The following SYNJ2 variants were observed in gnomAD, a reference collection of about 807,000 sequenced individuals.
SYNJ2 encodes synaptojanin 2.
SYNJ2 carries 116 observed loss-of-function variants against 141.3 expected under a neutral mutation model. The observed-to-expected ratio is 0.82, with a 90% CI of 0.71 to 0.96. The LOEUF is 0.96. SYNJ2 is among the 40% of genes least tolerant of loss of function. SYNJ2 has a pLI of 0.00. For missense variants in SYNJ2, 1,873 were observed against 1,934.8 expected (o/e 0.97, Z 0.60); for synonymous variants, 745 against 777.7 (o/e 0.96, Z 0.70).
intron 1 of SYNJ2, among the ~76,000 whole-genome samples, chr6:157,983,970 G>A (rs1044578629): frequency 1.3e-5 from 2 of 152,034 alleles, no homozygotes; most frequent in Non-Finnish European, 2.9e-5. Context: ...TGGGACTATA[G>A]GCACATGCCA....
At chr6:158,029,444 A>T (rs1000461797) in intron 3 of SYNJ2, 2 of 159,288 alleles carry the variant, frequency 1.3e-5, no homozygotes, top group African/African-American at 4.8e-5. Context: ...AGGTGCCTGT[A>T]ATCCCAGCTA....
chr6:158,084,280 G>A lies in SYNJ2; in HGVS notation c.3208+106G>A. On this transcript the variant is annotated intron_variant, in intron 22 of 26. Transcript: ENST00000355585. The surrounding 1 kb of genome is among the most constrained non-coding windows in gnomAD (Gnocchi z 5.0). ...GGCACTGTGTGATATCAAGTATGCAGGTCCCAGGAGAGACCTCAACCAGGC... is the reference window on the plus strand; with the variant it reads ...GGCACTGTGTGATATCAAGTATGCAAGTCCCAGGAGAGACCTCAACCAGGC... The A allele has an allele frequency of 1.5e-6, 2 of 1,315,506 alleles. No homozygotes were observed. The highest frequency in any genetic ancestry group is 2.1e-6 in the Non-Finnish European group (2 of 962,886). 81.5% of individuals were successfully genotyped at this position (1,315,506 alleles called of 1,614,324 possible).
Position 158,027,063 on chromosome 6 carries a change from C to T in SYNJ2, c.215-1693C>T, listed in dbSNP as rs151008818. The T allele has an allele frequency of 1.8e-5, 18 of 985,394 alleles. No homozygotes were observed. Among genetic ancestry groups the T allele is most frequent in the Middle Eastern group, 5.2e-4 (1 of 1,914 alleles). 61.0% of individuals were successfully genotyped at this position (985,394 alleles called of 1,614,324 possible). ...CTGGCAGCCCCACCCCATGGCATAG[C>T]AGCAGGCCCCTGGGAGCCCTGAGCG... is the stretch of plus-strand genomic sequence containing the variant. On this transcript the variant is annotated intron_variant, in intron 2 of 26. Transcript: ENST00000355585. The surrounding 1 kb of genome is among the most constrained non-coding windows in gnomAD (Gnocchi z 4.6).
At chr6:157,993,659 T>C (rs1212734507) in intron 1 of SYNJ2, among the ~76,000 whole-genome samples, 1 of 150,794 alleles carries the variant, frequency 6.6e-6, no homozygotes, top group South Asian at 2.1e-4. Context: ...AGTAGCTTCA[T>C]AGTTTGAGGG....
intron 7 of SYNJ2, among the ~76,000 whole-genome samples, chr6:158,059,992 C>T (rs1781112349): frequency 6.6e-6 from 1 of 152,238 alleles, no homozygotes; most frequent in Non-Finnish European, 1.5e-5. Flanking sequence ...CTCAAGGTAC[C>T]CCTCTCAGTC....
intron 18 of SYNJ2, among the ~76,000 whole-genome samples, chr6:158,079,827 C>A (rs1048013824): frequency 1.3e-5 from 2 of 152,150 alleles, no homozygotes; most frequent in African/African-American, 4.8e-5. Flanking sequence ...ACATGCCAGG[C>A]CCTGTTGCTG....
Position 158,028,549 on chromosome 6 carries a change from G to T in SYNJ2, c.215-207G>T, listed in dbSNP as rs922048609. 5 of 632,846 alleles carry T rather than the reference G, an allele frequency of 7.9e-6. No homozygotes were observed. In the Admixed American group the frequency reaches 1.2e-4, roughly 15 times the overall value. The allele number at this position is 632,846 out of a possible 1,614,324, so 39.2% of individuals were successfully genotyped here. A position where few individuals can be genotyped will look rare whatever the true frequency, so the allele number is the denominator to read the frequency against. On this transcript the variant is annotated intron_variant, in intron 2 of 26. Transcript: ENST00000355585. ...AGGGGATGCTGACTTGCTGGCCAGGGTCCCACACTTTGAGAAGCCCCGCCT... is the reference window on the plus strand; with the variant it reads ...AGGGGATGCTGACTTGCTGGCCAGGTTCCCACACTTTGAGAAGCCCCGCCT...
chr6:158,083,915 G>A (rs1055675188), intron 21 of SYNJ2, 86 bp from the exon 22 acceptor site: 76 of 1,483,842 alleles, frequency 5.1e-5, no homozygotes, highest in Non-Finnish European at 6.0e-5. Context: ...TGTCCTGACA[G>A]GAGCTGAACC....
intron 1 of SYNJ2, among the ~76,000 whole-genome samples, chr6:158,009,978 A>G (rs1328939215): frequency 6.6e-6 from 1 of 152,238 alleles, no homozygotes; most frequent in Non-Finnish European, 1.5e-5. Flanking sequence ...GGGTAGTGGT[A>G]CAATCACAGC....
intron 6 of SYNJ2, among the ~76,000 whole-genome samples, chr6:158,055,565 CA>C (rs1237176665): frequency 6.6e-6 from 1 of 151,442 alleles, no homozygotes; most frequent in East Asian, 1.9e-4. Context: ...GATCATAACA[CA>C]TTTACTGTTT....
rs548155549 is a variant in SYNJ2 at position 158,032,819 on chromosome 6, A to G, written c.486-636A>G. On this transcript the variant is annotated intron_variant, in intron 3 of 26. Coordinates refer to ENST00000355585, the MANE Select transcript of SYNJ2 (RefSeq NM_003898.4). ...TGGCTGTCACCCTGTCGTTATCATC[A>G]TGGACTCTAGAGCCTACAGCAATCC... is the stretch of plus-strand genomic sequence containing the variant. Among the ~76,000 whole-genome samples, 9 of 152,334 alleles carry G rather than the reference A, an allele frequency of 5.9e-5. No homozygotes were observed. The East Asian group carries it at 1.5e-3, about 26-fold the overall frequency.
Position 158,069,422 on chromosome 6 carries a change from C to T in SYNJ2, c.1800-111C>T, listed in dbSNP as rs909811866. ...GACACTAATATTGGGGTGCGGGCAG[C>T]GTGAAATCAGTTCTGCAAACAGAAT... On this transcript the variant is annotated intron_variant, in intron 13 of 26. Coordinates refer to ENST00000355585, the MANE Select transcript of SYNJ2 (RefSeq NM_003898.4). The T allele has an allele frequency of 9.7e-6, 13 of 1,334,352 alleles. No homozygotes were observed. In the Admixed American group the frequency reaches 1.3e-4, roughly 14 times the overall value. 82.7% of individuals were successfully genotyped at this position (1,334,352 alleles called of 1,614,324 possible).
Position 158,088,671 on chromosome 6 carries a change from G to A in SYNJ2, c.3355G>A (p.Val1119Met), listed in dbSNP as rs138506800. 9.3e-6 allele frequency: 15 copies of A among 1,613,928 alleles called. No homozygotes were observed. The African/African-American group carries it at 1.6e-4, about 17-fold the overall frequency. The change falls in exon 24 of 27, where the codon GTG (valine) becomes ATG (methionine). Residue 1119 changes from valine (V) to methionine (M), a missense_variant. By Grantham distance (21) the Val-to-Met change is conservative. Coordinates refer to ENST00000355585, the MANE Select transcript of SYNJ2 (RefSeq NM_003898.4). The part of the protein sequence containing the change: ...QRPPPPTGLM[V>M]KKSASDASIS... ...GTTGGTTTTTACAGCCGGTTTAATG[G>A]TGAAAAAGTCGGCTTCAGATGCGTC... is the stretch of plus-strand genomic sequence containing the variant.
At position 158,043,140 on chromosome 6, in the gene SYNJ2, A is replaced by G. The variant is rs1977356; in HGVS notation, c.712-176A>G. 0.38 allele frequency among the ~76,000 whole-genome samples: 57,810 copies of G among 151,970 alleles called. 11,231 individuals carry two copies. Among genetic ancestry groups the G allele is most frequent in the Middle Eastern group, 0.51 (148 of 292 alleles). On this transcript the variant is annotated intron_variant, in intron 4 of 26. Coordinates refer to ENST00000355585, the MANE Select transcript of SYNJ2 (RefSeq NM_003898.4). This position sits in a 1 kb window ranked among gnomAD's most constrained non-coding sequence, Gnocchi z 4.0. Reference sequence around the variant, plus strand: ...TCGACAGCCAGCATGCCCGCCCAGTACCTGGCGAGAGGTCAGGGCGCATTG... The same window carrying G: ...TCGACAGCCAGCATGCCCGCCCAGTGCCTGGCGAGAGGTCAGGGCGCATTG...
At chr6:157,983,354 T>G (rs1167479996) in intron 1 of SYNJ2, among the ~76,000 whole-genome samples, 1 of 152,366 alleles carries the variant, frequency 6.6e-6, no homozygotes, top group African/African-American at 2.4e-5. Context: ...TATTCTAATT[T>G]GTGCTGTCCT....
rs770305416 is a variant in SYNJ2 at position 158,043,549 on chromosome 6, T to A, written c.795+150T>A. ...AGCCCTGTTGTGTTGAGCTGAGCTA[T>A]CAAAGTGTGCACACGTGTGTGCATA... On this transcript the variant is annotated intron_variant, in intron 5 of 26. Transcript: ENST00000355585. The surrounding 1 kb of genome is among the most constrained non-coding windows in gnomAD (Gnocchi z 4.0). 2 of 622,294 alleles carry A rather than the reference T, an allele frequency of 3.2e-6. No individual in the cohort carries two copies. Among genetic ancestry groups the A allele is most frequent in the Non-Finnish European group, 5.7e-6 (2 of 351,844 alleles). 38.5% of individuals were successfully genotyped at this position (622,294 alleles called of 1,614,324 possible).
At chr6:158,092,014 T>C (rs1012131024) in intron 25 of SYNJ2, among the ~76,000 whole-genome samples, 5 of 151,846 alleles carry the variant, frequency 3.3e-5, no homozygotes, top group African/African-American at 1.2e-4. Context: ...GATCGTATGA[T>C]GGTTGCACAA....
rs774753435 is a variant in SYNJ2 at position 158,028,808 on chromosome 6, C to A, written c.267C>A (p.Gly89=). Residue 89 remains glycine, a synonymous_variant, in exon 3 of 27, where the codon GGC becomes GGA. Coordinates refer to ENST00000355585, the MANE Select transcript of SYNJ2 (RefSeq NM_003898.4). Reference sequence around the variant, plus strand: ...TGGTGACAGGCTGCACATCTGTGGGCAGAATTCCAGATGCTGAAATCTACA... The same window carrying A: ...TGGTGACAGGCTGCACATCTGTGGGAAGAATTCCAGATGCTGAAATCTACA... ...LVLVTGCTSV[G]RIPDAEIYKI... is the part of the protein sequence containing the mutation. The A allele has an allele frequency of 5.6e-6, 9 of 1,614,152 alleles. No homozygotes were observed. The highest frequency in any genetic ancestry group is 7.6e-6 in the Non-Finnish European group (9 of 1,180,022).
chr6:157,989,168 G>C (rs1777317321), intron 1 of SYNJ2, among the ~76,000 whole-genome samples: 3 of 151,980 alleles, frequency 2.0e-5, no homozygotes, highest in Admixed American at 2.0e-4. Context: ...TTTTTCACTG[G>C]TTAAATAAAC....
Sources: allele counts gnomAD v4.1 joint callset (sites outside exome capture counted in the v4.1 genomes callset), GRCh38; gene constraint gnomAD v4.1.1; non-coding constraint Gnocchi (gnomAD v3.1); transcripts MANE v1.5; gene names NCBI Gene and HGNC (gene_info 2026-07-23, HGNC 2026-07-21).